Variants in KCTD1 observed in about 807,000 individuals in gnomAD.
KCTD1 encodes the protein BTB/POZ domain-containing protein KCTD1.
In KCTD1, 24 loss-of-function variants were observed where a neutral mutation model predicts 66.0. The ratio of observed to expected loss-of-function variants is 0.36; its 90% CI spans 0.26 to 0.51. The LOEUF (loss-of-function observed/expected upper bound fraction) is 0.51. KCTD1 is among the 20% of genes least tolerant of loss of function. The probability of loss-of-function intolerance (pLI) is 0.95; values close to 1 mark genes in which losing one functional copy is unlikely to be tolerated. For synonymous variants in KCTD1, 511 were observed against 517.2 expected (o/e 0.99, Z 0.16); for missense variants, 943 against 1,205.2 (o/e 0.78, Z 3.22).
At chr18:26,511,630 G>A (rs1371139713) in intron 1 of KCTD1, among the ~76,000 whole-genome samples, 1 of 152,200 alleles carries the variant, frequency 6.6e-6, no homozygotes, top group East Asian at 1.9e-4. Context: ...CACAGAGAAG[G>A]AAGTTGACTC....
chr18:26,601,335 A>T (rs1598961434), intron 1 of KCTD1, among the ~76,000 whole-genome samples: 1 of 150,804 alleles, frequency 6.6e-6, no homozygotes, highest in African/African-American at 2.4e-5. Flanking sequence ...GTAAAAAAAA[A>T]AAAAAAAAAA....
chr18:26,629,155 A>G (rs1252994600), exon 1 of KCTD1: 1 of 984,672 alleles, frequency 1.0e-6, no homozygotes, highest in Non-Finnish European at 1.2e-6. Flanking sequence ...ACTTTTGGTG[A>G]TGGATTTGCC....
At chr18:26,603,745 A>AAAAAG (rs771172318) in intron 1 of KCTD1, among the ~76,000 whole-genome samples, 35,553 of 122,714 alleles carry the variant, frequency 0.29, 4,709 homozygotes, top group South Asian at 0.33. Context: ...TGTGTCTCAA[A>AAAAAG]AAAATAAAAT....
intron 2 of KCTD1, among the ~76,000 whole-genome samples, chr18:26,496,077 A>G (rs999441995): frequency 6.6e-6 from 1 of 152,214 alleles, no homozygotes; most frequent in Non-Finnish European, 1.5e-5. Context: ...ATAATATGGT[A>G]CCAATATTAA....
chr18:26,586,462 G>A (rs1454584124), intron 1 of KCTD1, among the ~76,000 whole-genome samples: 1 of 152,048 alleles, frequency 6.6e-6, no homozygotes, highest in Non-Finnish European at 1.5e-5. Flanking sequence ...CAACAATATT[G>A]AAATTAGGCC....
At chr18:26,657,226 C>A in intron 1 of KCTD1, 1 of 647,800 alleles carries the variant, frequency 1.5e-6, no homozygotes, top group Non-Finnish European at 1.9e-6. Flanking sequence ...TCGCCCGCCG[C>A]GGCGGGCGGC....
chr18:26,454,919 G>GA lies in KCTD1; in HGVS notation c.*823dup. The GA allele has an allele frequency of 6.5e-6, 1 of 152,676 alleles. No individual in the cohort carries two copies. The highest frequency in any genetic ancestry group is 1.9e-4 in the East Asian group (1 of 5,180). The allele number at this position is 152,676 out of a possible 1,614,324, so 9.5% of individuals were successfully genotyped here. A position where few individuals can be genotyped will look rare whatever the true frequency, so the allele number is the denominator to read the frequency against. Reference sequence around the variant, plus strand: ...TGCTCAACACGGACAATTTCAAAAAGAAAAAATTTCACTTTAATCCAGCCT... The same window carrying GA: ...TGCTCAACACGGACAATTTCAAAAAGAAAAAAATTTCACTTTAATCCAGCCT... On this transcript the variant is annotated 3_prime_UTR_variant, in exon 5 of 5. Coordinates refer to ENST00000580059, the MANE Select transcript of KCTD1 (RefSeq NM_001142730.3).
At chr18:26,630,653 T>C (rs1023571468), upstream of KCTD1, among the ~76,000 whole-genome samples, 1 of 152,210 alleles carries the variant, frequency 6.6e-6, no homozygotes, top group African/African-American at 2.4e-5. Flanking sequence ...CTTAGTGTTC[T>C]GTGTTGCTGA....
intron 2 of KCTD1, among the ~76,000 whole-genome samples, chr18:26,483,351 C>A (rs972997187): frequency 1.3e-5 from 2 of 152,182 alleles, no homozygotes; most frequent in African/African-American, 4.8e-5. Context: ...TCACTGCAAC[C>A]TCTGCCTCCT....
intron 2 of KCTD1, among the ~76,000 whole-genome samples, chr18:26,479,793 T>C (rs944986240): frequency 2.6e-5 from 4 of 152,202 alleles, no homozygotes; most frequent in Non-Finnish European, 5.9e-5. Context: ...TGGGTGGTTT[T>C]TGAGATTGGC....
At position 26,455,694 on chromosome 18, in the gene KCTD1, G is replaced by GAGTT. The variant is rs1980036851; in HGVS notation, c.*45_*48dup. The GAGTT allele has an allele frequency of 3.1e-6, 5 of 1,599,128 alleles. No individual in the cohort carries two copies. The highest frequency in any genetic ancestry group is 2.6e-6 in the Non-Finnish European group (3 of 1,173,234). ...GCACATAAATGTCCCTTTTTTGTTT[G>GAGTT]AGTTATTGGTTGTGTGTGTTTTCCT... On this transcript the variant is annotated 3_prime_UTR_variant, in exon 5 of 5. Coordinates refer to ENST00000580059, the MANE Select transcript of KCTD1 (RefSeq NM_001142730.3).
chr18:26,585,837 G>A (rs1323508141), intron 1 of KCTD1, among the ~76,000 whole-genome samples: 5 of 152,118 alleles, frequency 3.3e-5, no homozygotes, highest in Admixed American at 3.3e-4. Context: ...AACTTAAAAA[G>A]TACAGGTATG....
chr18:26,548,913 G>A, upstream of KCTD1: 4 of 989,508 alleles, frequency 4.0e-6, no homozygotes, highest in Non-Finnish European at 3.6e-6. Flanking sequence ...AATTGCGCGG[G>A]CCCGGGCGGG....
At chr18:26,555,091 G>A (rs1985675614) in intron 1 of KCTD1, among the ~76,000 whole-genome samples, 1 of 152,108 alleles carries the variant, frequency 6.6e-6, no homozygotes, top group African/African-American at 2.4e-5. Flanking sequence ...GGAGATAAAG[G>A]TATGTGATAA....
chr18:26,628,074 C>T (rs958258242), intron 1 of KCTD1, among the ~76,000 whole-genome samples: 3 of 152,188 alleles, frequency 2.0e-5, no homozygotes, highest in African/African-American at 7.2e-5. Flanking sequence ...CCTCCTTTCC[C>T]TCCAAAATGG....
rs193058299 is a variant in KCTD1 at position 26,520,107 on chromosome 18, A to G, written c.1810-18857T>C. Among the ~76,000 whole-genome samples the G allele has an allele frequency of 3.8e-4, 58 of 152,372 alleles. 1 individual carries two copies. The highest frequency in any genetic ancestry group is 1.6e-3 in the Admixed American group (25 of 15,308). On this transcript the variant is annotated intron_variant, in intron 1 of 4. Transcript: ENST00000580059. ...TTAGTAGCTCTAAAATAGATTTTGC[A>G]TATTAGCATTTTGATAATGAATAGC...
intron 1 of KCTD1, among the ~76,000 whole-genome samples, chr18:26,649,658 G>A (rs372975498): frequency 1.2e-4 from 19 of 152,184 alleles, no homozygotes; most frequent in Non-Finnish European, 2.1e-4. Context: ...ACAGGCACGC[G>A]CCACCACGCC....
chr18:26,486,479 G>A (rs1981926562), intron 2 of KCTD1, among the ~76,000 whole-genome samples: 2 of 152,168 alleles, frequency 1.3e-5, no homozygotes, highest in South Asian at 2.1e-4. Flanking sequence ...GAACTCTTTT[G>A]CATGTGTTCC....
upstream of KCTD1, among the ~76,000 whole-genome samples, chr18:26,549,971 A>G (rs1304815119): frequency 6.6e-6 from 1 of 151,238 alleles, no homozygotes; most frequent in Non-Finnish European, 1.5e-5. Context: ...GCCGCCGGGG[A>G]CCTCGGCTGT....
Sources: allele counts gnomAD v4.1 joint callset (sites outside exome capture counted in the v4.1 genomes callset), GRCh38; gene constraint gnomAD v4.1.1; transcripts MANE v1.5; gene names NCBI Gene and HGNC (gene_info 2026-07-23, HGNC 2026-07-21).